The following MLC1 variants were observed in gnomAD, a reference collection of about 807,000 sequenced individuals.
MLC1 encodes modulator of VRAC current 1.
Under a neutral mutation model 44.7 loss-of-function variants are expected in MLC1, and 32 were observed. The ratio of observed to expected loss-of-function variants is 0.72; its 90% CI spans 0.54 to 0.96. The LOEUF is 0.96. Among genes scored for constraint, MLC1 ranks in the 40% least tolerant of loss-of-function variants. The probability of loss-of-function intolerance (pLI) is 0.00; values close to 1 mark genes in which losing one functional copy is unlikely to be tolerated. For missense variants in MLC1, 459 were observed against 492.2 expected (o/e 0.93, Z 0.64); for synonymous variants, 190 against 213.0 (o/e 0.89, Z 0.94).
intron 11 of MLC1, among the ~76,000 whole-genome samples, chr22:50,063,675 A>G (rs1264825135): frequency 2.3e-4 from 24 of 102,828 alleles, no homozygotes; most frequent in Admixed American, 3.8e-4. Context: ...CCTCCCCAGC[A>G]CCCCTGAAAC....
At position 50,079,529 on chromosome 22, in the gene MLC1, G is replaced by A. The variant is rs534371120; in HGVS notation, c.423+389C>T. ...TTTTTTTTTTTTTTTTTTTTGAGACGGAGTCTTGCTCTGTCTTCCAGGCTG... is the reference window on the plus strand; with the variant it reads ...TTTTTTTTTTTTTTTTTTTTGAGACAGAGTCTTGCTCTGTCTTCCAGGCTG... On this transcript the variant is annotated intron_variant, in intron 5 of 11. Coordinates refer to ENST00000311597, the MANE Select transcript of MLC1 (RefSeq NM_015166.4). Among the ~76,000 whole-genome samples, 15 of 123,594 alleles carry A rather than the reference G, an allele frequency of 1.2e-4. No homozygotes were observed. In the South Asian group the frequency reaches 2.7e-3, roughly 22 times the overall value. The allele number at this position is 123,594 out of a possible 152,430, so 81.1% of individuals were successfully genotyped here.
At chr22:50,080,218 C>A (rs2062086176) in intron 4 of MLC1, 126 bp downstream of exon 4, 4 of 1,317,948 alleles carry the variant, frequency 3.0e-6, no homozygotes, top group Middle Eastern at 2.3e-4. Context: ...TGGGGGGCAA[C>A]CTCGGGGGCC....
intron 1 of MLC1, 47 bp from the exon 2 acceptor site, chr22:50,085,008 A>G (rs2062246811): frequency 6.5e-6 from 10 of 1,533,212 alleles, no homozygotes; most frequent in Non-Finnish European, 8.8e-6. Context: ...GGAAACTTCA[A>G]TAAGTTGTTT....
At chr22:50,068,406 G>C (rs1364221170) in intron 10 of MLC1, 27 bp downstream of exon 10, 1 of 1,611,568 alleles carries the variant, frequency 6.2e-7, no homozygotes, top group South Asian at 1.1e-5. Flanking sequence ...ACATGTCTGG[G>C]GGGCTCTGAA....
chr22:50,065,561 G>T (rs1271481698), intron 10 of MLC1, among the ~76,000 whole-genome samples: 1 of 152,200 alleles, frequency 6.6e-6, no homozygotes, highest in Non-Finnish European at 1.5e-5. Context: ...ATGGTCAGGA[G>T]ACATGAGCAG....
intron 11 of MLC1, 90 bp downstream of exon 11, chr22:50,063,944 C>CCAGCGACCA (rs2061642683): frequency 1.4e-6 from 2 of 1,392,122 alleles, no homozygotes; most frequent in Admixed American, 2.1e-5. Context: ...CCCAGCTTCC[C>CCAGCGACCA]CCCACCCCAC....
chr22:50,059,835 T>G lies in MLC1; in HGVS notation c.*1748A>C, dbSNP rs771135748. 6.6e-6 allele frequency: 1 copy of G among 152,344 alleles called. No homozygotes were observed. The highest frequency in any genetic ancestry group is 1.5e-5 in the Non-Finnish European group (1 of 68,070). 9.4% of individuals were successfully genotyped at this position (152,344 alleles called of 1,614,324 possible). A position where few individuals can be genotyped will look rare whatever the true frequency, so the allele number is the denominator to read the frequency against. On this transcript the variant is annotated 3_prime_UTR_variant, in exon 12 of 12. Transcript: ENST00000311597. ...CGAGGACTGCAGAGAGGGCCTGGCTTGTCCCCTCTAGGAGCAGCTGGGAAG... is the reference window on the plus strand; with the variant it reads ...CGAGGACTGCAGAGAGGGCCTGGCTGGTCCCCTCTAGGAGCAGCTGGGAAG...
intron 7 of MLC1, chr22:50,074,541 G>C (rs1429120421): frequency 3.4e-6 from 2 of 596,162 alleles, no homozygotes; most frequent in Non-Finnish European, 6.1e-6. Flanking sequence ...GTCCCTCCTG[G>C]AGTAAAATAG....
intron 3 of MLC1, among the ~76,000 whole-genome samples, chr22:50,080,647 ACCTC>A (rs2146910421): frequency 6.6e-6 from 1 of 152,122 alleles, no homozygotes; most frequent in East Asian, 1.9e-4. Context: ...TGATCTGTTC[ACCTC>A]AGCTTCCCAA....
Position 50,060,269 on chromosome 22 carries a change from A to C in MLC1, c.*1314T>G, listed in dbSNP as rs1017841321. Reference sequence around the variant, plus strand: ...AGTCGCCCCAACTCACTGTGGATTTACTGCCGTCAGCTGGGAGGACCCAGG... The same window carrying C: ...AGTCGCCCCAACTCACTGTGGATTTCCTGCCGTCAGCTGGGAGGACCCAGG... On this transcript the variant is annotated 3_prime_UTR_variant, in exon 12 of 12. Coordinates refer to ENST00000311597, the MANE Select transcript of MLC1 (RefSeq NM_015166.4). 6 of 152,426 alleles carry C rather than the reference A, an allele frequency of 3.9e-5. No individual in the cohort carries two copies. The highest frequency in any genetic ancestry group is 8.8e-5 in the Non-Finnish European group (6 of 68,060). 9.4% of individuals were successfully genotyped at this position (152,426 alleles called of 1,614,324 possible). A position where few individuals can be genotyped will look rare whatever the true frequency, so the allele number is the denominator to read the frequency against.
intron 3 of MLC1, among the ~76,000 whole-genome samples, chr22:50,081,042 A>AAAGAAAGAAAGAAAGAAAGAAAGAAAGG (rs1235050082): frequency 2.2e-4 from 31 of 139,172 alleles, no homozygotes; most frequent in Non-Finnish European, 3.1e-4. Context: ...AGAAAGAAAG[A>AAAGAAAGAAAGAAAGAAAGAAAGAAAGG]AAGAAAGAAA....
intron 8 of MLC1, among the ~76,000 whole-genome samples, chr22:50,072,511 C>T (rs1293911983): frequency 6.6e-6 from 1 of 152,152 alleles, no homozygotes; most frequent in Non-Finnish European, 1.5e-5. Flanking sequence ...GGGGGCAGCA[C>T]CTGATGGGCA....
intron 8 of MLC1, among the ~76,000 whole-genome samples, chr22:50,071,689 T>G (rs1231268649): frequency 6.6e-6 from 1 of 152,192 alleles, no homozygotes. Flanking sequence ...GTTAGGGGGA[T>G]CTGTAGGTTC....
chr22:50,071,920 A>T (rs1248813424), intron 8 of MLC1, among the ~76,000 whole-genome samples: 4 of 152,108 alleles, frequency 2.6e-5, no homozygotes, highest in Admixed American at 2.0e-4. Context: ...GGTGGGCAGG[A>T]CAGAGATGGG....
At chr22:50,066,774 A>C (rs2061711372) in intron 10 of MLC1, among the ~76,000 whole-genome samples, 1 of 152,198 alleles carries the variant, frequency 6.6e-6, no homozygotes. Context: ...TCAGTCAGGC[A>C]TGAGACCACA....
chr22:50,076,342 G>T (rs768135081), intron 7 of MLC1, among the ~76,000 whole-genome samples: 1 of 152,124 alleles, frequency 6.6e-6, no homozygotes, highest in Non-Finnish European at 1.5e-5. Flanking sequence ...ATCACTTGAG[G>T]TCAGGAGTTC....
intron 4 of MLC1, 77 bp downstream of exon 4, chr22:50,080,267 C>G (rs2062088494): frequency 6.6e-7 from 1 of 1,511,668 alleles, no homozygotes; most frequent in East Asian, 2.4e-5. Context: ...GGCACACACA[C>G]AAGCACACAT....
intron 11 of MLC1, among the ~76,000 whole-genome samples, chr22:50,063,483 A>G (rs1601966445): frequency 6.6e-6 from 1 of 151,382 alleles, no homozygotes; most frequent in Admixed American, 6.6e-5. Context: ...AAAAAAAAAA[A>G]AAAAAAAGAA....
At chr22:50,063,919 T>G in intron 11 of MLC1, 115 bp downstream of exon 11, 3 of 798,456 alleles carry the variant, frequency 3.8e-6, no homozygotes, top group Non-Finnish European at 5.3e-6. Flanking sequence ...GGCACCCCTG[T>G]GGGCCACTCA....
Sources: gnomAD v4.1 joint callset for allele counts (sites outside exome capture counted in the v4.1 genomes callset) on GRCh38, gnomAD v4.1.1 for gene constraint, MANE v1.5 for transcripts, NCBI Gene and HGNC (gene_info 2026-07-23, HGNC 2026-07-21) for gene names.